The following PAQR5 variants were observed in gnomAD, a reference collection of about 807,000 sequenced individuals.
The protein encoded by PAQR5 is progestin and adipoQ receptor family member 5.
Under a neutral mutation model 34.5 loss-of-function variants are expected in PAQR5, and 20 were observed. The observed-to-expected ratio is 0.58, with a 90% CI of 0.41 to 0.84. The LOEUF (loss-of-function observed/expected upper bound fraction) is 0.84, where lower values mean the gene tolerates loss of function less well. Ranked by LOEUF, PAQR5 falls within the 40% of genes least tolerant of loss-of-function variation. The pLI, the probability that PAQR5 is intolerant of heterozygous loss-of-function variation, is 0.00. For missense variants in PAQR5, 378 were observed against 412.7 expected, an observed-to-expected ratio of 0.92 and a Z score of 0.73; for synonymous variants, 131 against 155.6, an observed-to-expected ratio of 0.84 and a Z score of 1.18.
At chr15:69,335,567 T>TTTTTTA (rs2054496123) in intron 1 of PAQR5, among the ~76,000 whole-genome samples, 1 of 65,134 alleles carries the variant, frequency 1.5e-5, no homozygotes. Context: ...TTTTTTTTTT[T>TTTTTTA]GAGACAGAGT....
chr15:69,382,720 A>ATATATGTG (rs2055932141), intron 4 of PAQR5: 1 of 134,924 alleles, frequency 7.4e-6, no homozygotes, highest in African/African-American at 2.7e-5. Flanking sequence ...GTATGTATAT[A>ATATATGTG]TGTATGTATA....
Position 69,379,921 on chromosome 15 carries a change from T to C in PAQR5, c.90T>C (p.His30=). 1 of 1,614,182 alleles carries C rather than the reference T, an allele frequency of 6.2e-7. No homozygotes were observed. The highest frequency in any genetic ancestry group is 8.5e-7 in the Non-Finnish European group (1 of 1,180,012). ...HEQGILFGYR[H]PQSSATACIL... is the part of the protein sequence containing the mutation. ...AAGGCATCCTGTTCGGCTACCGCCA[T>C]CCACAGAGTTCTGCCACTGCCTGCA... The change falls in exon 4 of 9, where the codon CAT becomes CAC. Residue 30 remains histidine, a synonymous_variant. Coordinates refer to ENST00000395407, the MANE Select transcript of PAQR5 (RefSeq NM_017705.4).
At chr15:69,397,663 G>A (rs769719021) in intron 7 of PAQR5, 99 bp downstream of exon 7, 52 of 837,908 alleles carry the variant, frequency 6.2e-5, no homozygotes, top group Middle Eastern at 2.8e-4. Flanking sequence ...AATGGGAACC[G>A]CAGAACAAAA....
At chr15:69,315,120 C>T (rs1047761311) in intron 1 of PAQR5, among the ~76,000 whole-genome samples, 2 of 152,028 alleles carry the variant, frequency 1.3e-5, no homozygotes, top group Non-Finnish European at 2.9e-5. Context: ...GGGGACAGCT[C>T]AAGTCAGATT....
At position 69,385,407 on chromosome 15, in the gene PAQR5, C is replaced by T. The variant is rs2056077647; in HGVS notation, c.385+525C>T. On this transcript the variant is annotated intron_variant, in intron 5 of 8. Transcript: ENST00000395407. The surrounding 1 kb of genome is among the most constrained non-coding windows in gnomAD (Gnocchi z 4.7). ...CAGTGCTGGTCTCTGTCATGCCAGG[C>T]AAGAAGAGGAGGGTGAGGTCATGAG... Among the ~76,000 whole-genome samples the T allele has an allele frequency of 6.6e-6, 1 of 152,144 alleles. No homozygotes were observed. Among genetic ancestry groups the T allele is most frequent in the Admixed American group, 6.5e-5 (1 of 15,268 alleles).
chr15:69,344,993 C>A (rs2140754343), intron 2 of PAQR5, among the ~76,000 whole-genome samples: 1 of 152,090 alleles, frequency 6.6e-6, no homozygotes, highest in East Asian at 1.9e-4. Flanking sequence ...ACTTGGGAGG[C>A]TGAGGTGGGA....
intron 2 of PAQR5, among the ~76,000 whole-genome samples, chr15:69,357,612 TTTG>T (rs999966479): frequency 6.6e-6 from 1 of 152,184 alleles, no homozygotes; most frequent in African/African-American, 2.4e-5. Context: ...ACCACCACAT[TTTG>T]TTCATTCATC....
intron 2 of PAQR5, among the ~76,000 whole-genome samples, chr15:69,348,536 A>T (rs990653688): frequency 3.9e-5 from 6 of 152,176 alleles, no homozygotes; most frequent in African/African-American, 1.4e-4. Flanking sequence ...GGTTCAGAGT[A>T]GGGGAGAGAT....
intron 1 of PAQR5, among the ~76,000 whole-genome samples, chr15:69,324,188 G>C (rs1298068541): frequency 1.3e-5 from 2 of 150,860 alleles, no homozygotes; most frequent in African/African-American, 2.4e-5. Flanking sequence ...CCTAAGCCAA[G>C]CTGGGAGGTC....
intron 2 of PAQR5, among the ~76,000 whole-genome samples, chr15:69,349,457 C>T (rs950072956): frequency 6.6e-6 from 1 of 152,062 alleles, no homozygotes; most frequent in South Asian, 2.1e-4. Flanking sequence ...GTGGAAGGAA[C>T]ATCAAGTTGG....
At chr15:69,361,914 T>A (rs1312837139) in intron 3 of PAQR5, among the ~76,000 whole-genome samples, 1 of 149,264 alleles carries the variant, frequency 6.7e-6, no homozygotes, top group Non-Finnish European at 1.5e-5. Flanking sequence ...AGGAGCAGTG[T>A]GAGCAAAGGC....
chr15:69,322,799 A>G lies in PAQR5; in HGVS notation c.-276-14542A>G, dbSNP rs1480652091. ...GAGAAGAAGAAGACGAGGAAGAAGA[A>G]GAAGAGGAAGAGGAAGAAGAAGAAG... On this transcript the variant is annotated intron_variant, in intron 1 of 8. Transcript: ENST00000395407. 1.0e-4 allele frequency among the ~76,000 whole-genome samples: 14 copies of G among 140,076 alleles called. 1 individual carries two copies. The highest frequency in any genetic ancestry group is 3.5e-4 in the African/African-American group (12 of 34,068). The allele number at this position is 140,076 out of a possible 152,430, so 91.9% of individuals were successfully genotyped here.
intron 1 of PAQR5, among the ~76,000 whole-genome samples, chr15:69,305,668 G>T (rs1376058662): frequency 6.6e-6 from 1 of 152,000 alleles, no homozygotes; most frequent in South Asian, 2.1e-4. Context: ...ACGCTGCCCT[G>T]GGAGGGGACA....
intron 1 of PAQR5, among the ~76,000 whole-genome samples, chr15:69,317,708 G>A (rs1230232222): frequency 1.3e-5 from 2 of 152,130 alleles, no homozygotes; most frequent in Non-Finnish European, 2.9e-5. Context: ...CTCCCTGGAC[G>A]CTCCCTCACT....
At chr15:69,352,371 T>C (rs2054943504) in intron 2 of PAQR5, among the ~76,000 whole-genome samples, 1 of 152,250 alleles carries the variant, frequency 6.6e-6, no homozygotes, top group Non-Finnish European at 1.5e-5. Flanking sequence ...AAGTTGGGCA[T>C]GCACAGCAGC....
intron 2 of PAQR5, among the ~76,000 whole-genome samples, chr15:69,356,363 A>C (rs1450950954): frequency 6.6e-6 from 1 of 152,130 alleles, no homozygotes; most frequent in African/African-American, 2.4e-5. Flanking sequence ...TCAGTACTGT[A>C]TTTTTTGCAA....
At chr15:69,364,552 A>ATACAT (rs2055339565) in intron 3 of PAQR5, among the ~76,000 whole-genome samples, 1 of 148,404 alleles carries the variant, frequency 6.7e-6, no homozygotes. Context: ...TGTTATATAT[A>ATACAT]TATAACGAGT....
Position 69,371,254 on chromosome 15 carries a change from C to T in PAQR5, c.52-8629C>T, listed in dbSNP as rs2055553494. On this transcript the variant is annotated intron_variant, in intron 3 of 8. Transcript: ENST00000395407. ...ATTACAAAAAAATAATTCTTAAGTCCACATTTTGAATCAGAAATGAATTAT... is the reference window on the plus strand; with the variant it reads ...ATTACAAAAAAATAATTCTTAAGTCTACATTTTGAATCAGAAATGAATTAT... 2.6e-5 allele frequency among the ~76,000 whole-genome samples: 4 copies of T among 152,018 alleles called. No individual in the cohort carries two copies. In the East Asian group the frequency reaches 7.7e-4, roughly 29 times the overall value.
chr15:69,301,858 G>GTTTTTTTT (rs140474529), intron 1 of PAQR5, among the ~76,000 whole-genome samples: 1 of 77,568 alleles, frequency 1.3e-5, no homozygotes, highest in Non-Finnish European at 2.7e-5. Context: ...AATGGGGGGA[G>GTTTTTTTT]ATTTTTTTTT....
Sources: allele counts gnomAD v4.1 joint callset (sites outside exome capture counted in the v4.1 genomes callset), GRCh38; gene constraint gnomAD v4.1.1; non-coding constraint Gnocchi (gnomAD v3.1); transcripts MANE v1.5; gene names NCBI Gene and HGNC (gene_info 2026-07-23, HGNC 2026-07-21).